The following SPEF2 variants were observed in gnomAD, a reference collection of about 807,000 sequenced individuals.
The protein encoded by SPEF2 is sperm flagellar and cilia associated 2, also known as sperm flagella and cilia-associated protein 2.
A neutral mutation model predicts 224.6 loss-of-function variants in SPEF2; 187 were observed. That is an observed-to-expected ratio of 0.83 (90% CI 0.74 to 0.94). The LOEUF is 0.94. Among genes scored for constraint, SPEF2 ranks in the 40% least tolerant of loss-of-function variants. The probability of loss-of-function intolerance (pLI) is 0.00; values close to 1 mark genes in which losing one functional copy is unlikely to be tolerated. For missense variants in SPEF2, 2,170 were observed against 2,135.6 expected (o/e 1.02, Z -0.32); for synonymous variants, 715 against 707.3 (o/e 1.01, Z -0.17).
At chr5:35,628,400 T>C in intron 1 of SPEF2, 60 bp from the exon 2 acceptor site, 1 of 1,084,248 alleles carries the variant, frequency 9.2e-7, no homozygotes, top group Non-Finnish European at 1.4e-6. Flanking sequence ...TTTAAAGAGA[T>C]CATTAGCTCT....
chr5:35,789,731 C>A (rs751934406), intron 30 of SPEF2: 8 of 679,694 alleles, frequency 1.2e-5, no homozygotes, highest in South Asian at 1.1e-4. Context: ...TGACTTTGAA[C>A]CTATTATTCT....
At chr5:35,727,398 C>A (rs543656541) in intron 20 of SPEF2, among the ~76,000 whole-genome samples, 2 of 152,260 alleles carry the variant, frequency 1.3e-5, no homozygotes, top group South Asian at 2.1e-4. Context: ...ATAAAAGTCA[C>A]ATGTTCATTC....
At chr5:35,788,198 A>T (rs763925502) in intron 30 of SPEF2, 1 of 703,030 alleles carries the variant, frequency 1.4e-6, no homozygotes, top group South Asian at 1.5e-5. Flanking sequence ...AGCCACCACC[A>T]AACTAATGAT....
intron 29 of SPEF2, among the ~76,000 whole-genome samples, chr5:35,778,276 A>C (rs1458478920): frequency 6.6e-6 from 1 of 152,200 alleles, no homozygotes; most frequent in Admixed American, 6.5e-5. Flanking sequence ...TCTAGCCTTT[A>C]AAATAATTTT....
At chr5:35,813,646 T>C (rs780557923) in intron 36 of SPEF2, among the ~76,000 whole-genome samples, 2 of 152,184 alleles carry the variant, frequency 1.3e-5, no homozygotes, top group Admixed American at 1.3e-4. Flanking sequence ...AAGAAAATGA[T>C]TCACTATGAT....
intron 10 of SPEF2, among the ~76,000 whole-genome samples, chr5:35,689,124 C>G (rs751031135): frequency 6.6e-6 from 1 of 151,554 alleles, no homozygotes; most frequent in African/African-American, 2.4e-5. Context: ...TTCTGTAAAC[C>G]ATTAGTGTCT....
At chr5:35,747,761 G>A (rs1468137452) in intron 23 of SPEF2, among the ~76,000 whole-genome samples, 3 of 152,130 alleles carry the variant, frequency 2.0e-5, no homozygotes, top group Non-Finnish European at 2.9e-5. Context: ...TCTACTGACA[G>A]CATTAGACAG....
intron 10 of SPEF2, among the ~76,000 whole-genome samples, chr5:35,674,687 A>G (rs1163865453): frequency 6.6e-6 from 1 of 151,888 alleles, no homozygotes; most frequent in African/African-American, 2.4e-5. Context: ...AACTAATCTC[A>G]TCATGGGAGC....
At chr5:35,712,099 T>C (rs1741263903) in intron 19 of SPEF2, among the ~76,000 whole-genome samples, 1 of 152,162 alleles carries the variant, frequency 6.6e-6, no homozygotes, top group Admixed American at 6.5e-5. Flanking sequence ...CATCATTCTT[T>C]GTATTACAAT....
chr5:35,730,096 C>G (rs779285304), intron 21 of SPEF2, among the ~76,000 whole-genome samples: 1 of 152,224 alleles, frequency 6.6e-6, no homozygotes, highest in Non-Finnish European at 1.5e-5. Context: ...TGTACTTTAT[C>G]TGGTAACCCT....
chr5:35,744,874 A>C (rs1344672746), intron 23 of SPEF2, among the ~76,000 whole-genome samples: 1 of 152,166 alleles, frequency 6.6e-6, no homozygotes, highest in African/African-American at 2.4e-5. Flanking sequence ...CTCCAGATCA[A>C]CTGCAAGAAC....
intron 28 of SPEF2, 41 bp from the exon 29 acceptor site, chr5:35,776,216 C>T: frequency 6.3e-7 from 1 of 1,577,114 alleles, no homozygotes; most frequent in Non-Finnish European, 8.6e-7. Flanking sequence ...AATGCATGCA[C>T]TGCAATATGT....
At chr5:35,702,107 G>A (rs35297265) in intron 16 of SPEF2, 215,775 of 450,788 alleles carry the variant, frequency 0.48, 53,405 homozygotes, top group Non-Finnish European at 0.53. Context: ...TAAGCCAAGG[G>A]AGGACAAATC....
At chr5:35,740,394 T>A in intron 23 of SPEF2, 127 bp downstream of exon 23, 1 of 1,217,600 alleles carries the variant, frequency 8.2e-7, no homozygotes, top group Non-Finnish European at 1.1e-6. Flanking sequence ...TTTGAACTAT[T>A]AACCAGGTAA....
At chr5:35,710,459 A>AG (rs1740875140) in intron 19 of SPEF2, 1 of 548,542 alleles carries the variant, frequency 1.8e-6, no homozygotes, top group African/African-American at 2.1e-5. Flanking sequence ...TGGGAGGCTG[A>AG]GGCAGGAGAA....
At chr5:35,771,569 AAAT>A (rs1295067103) in intron 26 of SPEF2, 37 bp from the exon 27 acceptor site, 1 of 1,578,432 alleles carries the variant, frequency 6.3e-7, no homozygotes, top group African/African-American at 1.4e-5. Flanking sequence ...CATATTTTGT[AAAT>A]GAGACATTAA....
At position 35,618,088 on chromosome 5, in the gene SPEF2, G is replaced by T. The variant is rs1395693505; in HGVS notation, c.58+33G>T. 4 of 1,561,650 alleles carry T rather than the reference G, an allele frequency of 2.6e-6. No individual in the cohort carries two copies. The African/African-American group carries it at 5.5e-5, about 21-fold the overall frequency. On this transcript the variant is annotated intron_variant, in intron 1 of 36. Coordinates refer to ENST00000356031, the MANE Select transcript of SPEF2 (RefSeq NM_024867.4). ...ACCACGGCCAGGGGCGAGCGTCTGAGGGGCTAGCGGGGCGCAGAGCCTGCA... is the reference window on the plus strand; with the variant it reads ...ACCACGGCCAGGGGCGAGCGTCTGATGGGCTAGCGGGGCGCAGAGCCTGCA...
chr5:35,656,551 A>G (rs1260653181), intron 7 of SPEF2, among the ~76,000 whole-genome samples: 2 of 152,216 alleles, frequency 1.3e-5, no homozygotes, highest in South Asian at 4.1e-4. Flanking sequence ...TTACCTAGCA[A>G]TGAAATTTTG....
chr5:35,764,530 C>T (rs775773515), intron 26 of SPEF2: 6 of 455,462 alleles, frequency 1.3e-5, no homozygotes, highest in Non-Finnish European at 2.2e-5. Flanking sequence ...TTGCTATTCC[C>T]TCATCTGCCA....
Sources: gnomAD v4.1 joint callset for allele counts (sites outside exome capture counted in the v4.1 genomes callset) on GRCh38, gnomAD v4.1.1 for gene constraint, MANE v1.5 for transcripts, NCBI Gene and HGNC (gene_info 2026-07-23, HGNC 2026-07-21) for gene names.